Variants in IQGAP2 observed in about 807,000 individuals in gnomAD.
IQGAP2 encodes ras GTPase-activating-like protein IQGAP2.
Under a neutral mutation model 201.3 loss-of-function variants are expected in IQGAP2, and 173 were observed. The ratio of observed to expected loss-of-function variants is 0.86; its 90% CI spans 0.76 to 0.98. IQGAP2 has a LOEUF of 0.98. IQGAP2 is among the 50% of genes least tolerant of loss of function. The pLI is 0.00. For missense variants in IQGAP2, 1,687 were observed against 1,864.8 expected (o/e 0.90, Z 1.76); for synonymous variants, 675 against 673.9 (o/e 1.00, Z -0.03).
chr5:76,496,770 TTTC>T (rs1191922410), intron 2 of IQGAP2, among the ~76,000 whole-genome samples: 12 of 96,358 alleles, frequency 1.2e-4, no homozygotes, highest in African/African-American at 3.9e-4. Flanking sequence ...TCTTTCTTTC[TTTC>T]TTTCTTTCTT....
In IQGAP2 at chr5:76,639,049, G is replaced by A. The variant is rs550231073; in HGVS notation, c.1923+1873G>A. Among the ~76,000 whole-genome samples, 212 of 152,278 alleles carry A rather than the reference G, an allele frequency of 1.4e-3. 1 individual carries two copies. The highest frequency in any genetic ancestry group is 5.0e-3 in the African/African-American group (207 of 41,566). ...ATACCCAAAGAATGTGTAGAACTGCGAATGAGGTCTCCTGAAACCATAAAC... is the reference window on the plus strand; with the variant it reads ...ATACCCAAAGAATGTGTAGAACTGCAAATGAGGTCTCCTGAAACCATAAAC... On this transcript the variant is annotated intron_variant, in intron 16 of 35. Coordinates refer to ENST00000274364, the MANE Select transcript of IQGAP2 (RefSeq NM_006633.5).
intron 17 of IQGAP2, among the ~76,000 whole-genome samples, chr5:76,646,873 A>G (rs915963210): frequency 1.3e-5 from 2 of 152,272 alleles, no homozygotes; most frequent in South Asian, 4.1e-4. Flanking sequence ...ATTGTGAATA[A>G]CATCTTTATT....
At chr5:76,575,644 C>A in intron 4 of IQGAP2, 49 bp from the exon 5 acceptor site, 2 of 1,205,676 alleles carry the variant, frequency 1.7e-6, no homozygotes, top group Non-Finnish European at 2.4e-6. Flanking sequence ...AGTTAAAATA[C>A]TTGTGAGAAG....
chr5:76,473,659 AC>A (rs1233951052), intron 2 of IQGAP2, among the ~76,000 whole-genome samples: 17 of 152,242 alleles, frequency 1.1e-4, no homozygotes, highest in Admixed American at 9.8e-4. Flanking sequence ...AAGAATTTGT[AC>A]TTCTCTATGA....
Position 76,592,940 on chromosome 5 carries a change from G to A in IQGAP2, c.907+15G>A, listed in dbSNP as rs201421173. ...TAAAGTCAACAGTAAGTAATGGATC[G>A]TATGAAGGAAATTGATATTTCCGTA... is the stretch of plus-strand genomic sequence containing the variant. On this transcript the variant is annotated intron_variant, in intron 9 of 35. Coordinates refer to ENST00000274364, the MANE Select transcript of IQGAP2 (RefSeq NM_006633.5). The A allele has an allele frequency of 1.9e-5, 29 of 1,515,720 alleles. No individual in the cohort carries two copies. Among genetic ancestry groups the A allele is most frequent in the East Asian group, 9.0e-5 (4 of 44,378 alleles). The allele number at this position is 1,515,720 out of a possible 1,614,324, so 93.9% of individuals were successfully genotyped here.
intron 4 of IQGAP2, among the ~76,000 whole-genome samples, chr5:76,573,660 G>A (rs1745270508): frequency 6.7e-6 from 1 of 148,924 alleles, no homozygotes; most frequent in South Asian, 2.1e-4. Context: ...CGCCCAGGCT[G>A]GACTGCAGTG....
At chr5:76,632,136 T>A in intron 15 of IQGAP2, 110 bp downstream of exon 15, 1 of 961,828 alleles carries the variant, frequency 1.0e-6, no homozygotes, top group Admixed American at 3.3e-5. Flanking sequence ...AACATTTCTG[T>A]AATTTTTTGT....
At chr5:76,649,159 G>A (rs1412980815) in intron 17 of IQGAP2, among the ~76,000 whole-genome samples, 1 of 152,214 alleles carries the variant, frequency 6.6e-6, no homozygotes, top group Non-Finnish European at 1.5e-5. Flanking sequence ...CAACTTACCT[G>A]TAAGAGGGAG....
chr5:76,600,765 G>A, intron 10 of IQGAP2, 47 bp from the exon 11 acceptor site: 1 of 1,602,092 alleles, frequency 6.2e-7, no homozygotes, highest in Non-Finnish European at 8.5e-7. Flanking sequence ...TCATGCACAT[G>A]AGGTGTGTTG....
chr5:76,528,019 C>G (rs1221903024), intron 2 of IQGAP2, among the ~76,000 whole-genome samples: 1 of 152,182 alleles, frequency 6.6e-6, no homozygotes, highest in East Asian at 1.9e-4. Context: ...GCTTCCCTAT[C>G]AAGTCTCAAC....
intron 16 of IQGAP2, among the ~76,000 whole-genome samples, chr5:76,637,416 A>G (rs1235804331): frequency 2.0e-5 from 3 of 152,194 alleles, no homozygotes; most frequent in Non-Finnish European, 1.5e-5. Context: ...TTCACTATTT[A>G]TTTGGGATGG....
intron 1 of IQGAP2, among the ~76,000 whole-genome samples, chr5:76,447,321 G>A (rs1467714905): frequency 6.6e-6 from 1 of 152,166 alleles, no homozygotes; most frequent in Admixed American, 6.5e-5. Context: ...AAAACAGGAG[G>A]TAAAGAAATA....
chr5:76,677,933 A>AAAAT (rs965282656), intron 28 of IQGAP2, among the ~76,000 whole-genome samples: 13 of 152,126 alleles, frequency 8.5e-5, no homozygotes, highest in Admixed American at 1.3e-4. Flanking sequence ...CCTACCTCAA[A>AAAAT]AAATAAATAA....
chr5:76,479,405 G>T (rs1297446356), intron 2 of IQGAP2, among the ~76,000 whole-genome samples: 1 of 152,070 alleles, frequency 6.6e-6, no homozygotes, highest in East Asian at 1.9e-4. Flanking sequence ...GCCTTTGAAT[G>T]ATTTTCATTC....
chr5:76,565,011 G>A (rs751516834), intron 3 of IQGAP2, among the ~76,000 whole-genome samples: 3 of 152,230 alleles, frequency 2.0e-5, no homozygotes, highest in Non-Finnish European at 4.4e-5. Flanking sequence ...AAAGTGCCTA[G>A]TGTTCTTGAT....
chr5:76,691,124 C>A (rs773032333), intron 30 of IQGAP2, among the ~76,000 whole-genome samples: 1 of 152,210 alleles, frequency 6.6e-6, no homozygotes, highest in African/African-American at 2.4e-5. Flanking sequence ...GCACTAGACA[C>A]ACTGTAGTGG....
chr5:76,707,508 A>T lies in IQGAP2; in HGVS notation c.*195A>T. Reference sequence around the variant, plus strand: ...ATACTATAATAGAATGAGACATAAAATGAATTAATGGAAACATATCCACAC... The same window carrying T: ...ATACTATAATAGAATGAGACATAAATTGAATTAATGGAAACATATCCACAC... On this transcript the variant is annotated 3_prime_UTR_variant, in exon 36 of 36. Coordinates refer to ENST00000274364, the MANE Select transcript of IQGAP2 (RefSeq NM_006633.5). 1.8e-6 allele frequency: 1 copy of T among 556,650 alleles called. No homozygotes were observed. The allele number at this position is 556,650 out of a possible 1,614,324, so 34.5% of individuals were successfully genotyped here.
At chr5:76,486,904 T>A (rs1756181472) in intron 2 of IQGAP2, among the ~76,000 whole-genome samples, 1 of 152,194 alleles carries the variant, frequency 6.6e-6, no homozygotes, top group Admixed American at 6.5e-5. Context: ...CCTAGGAGTT[T>A]ACTAATCATT....
At chr5:76,477,798 T>A (rs1755532642) in intron 2 of IQGAP2, among the ~76,000 whole-genome samples, 1 of 152,126 alleles carries the variant, frequency 6.6e-6, no homozygotes, top group South Asian at 2.1e-4. Context: ...GACAGTGATA[T>A]TGATGATCCT....
Sources: allele counts gnomAD v4.1 joint callset (sites outside exome capture counted in the v4.1 genomes callset), GRCh38; gene constraint gnomAD v4.1.1; transcripts MANE v1.5; gene names NCBI Gene and HGNC (gene_info 2026-07-23, HGNC 2026-07-21).